Variants in USH2A observed in about 807,000 individuals in gnomAD.
USH2A encodes the protein Usher syndrome 2A (autosomal recessive, mild).
In USH2A, 443 loss-of-function variants were observed where a neutral mutation model predicts 538.9. The observed-to-expected ratio is 0.82, with a 90% CI of 0.76 to 0.89. The LOEUF is 0.89. Among genes scored for constraint, USH2A ranks in the 40% least tolerant of loss-of-function variants. The pLI is 0.00. For synonymous variants in USH2A, 2,413 were observed against 2,273.5 expected (o/e 1.06, Z -1.75); for missense variants, 6,633 against 6,324.8 (o/e 1.05, Z -1.65).
chr1:216,311,663 A>G (rs2037422519), intron 9 of USH2A, among the ~76,000 whole-genome samples: 1 of 152,158 alleles, frequency 6.6e-6, no homozygotes, highest in South Asian at 2.1e-4. Context: ...AAGAGTTAAC[A>G]TCCAGAGCAG....
rs1367430538 is a variant in USH2A, at chr1:215,900,881, C to G, written c.7325G>C (p.Arg2442Thr). 6.8e-6 allele frequency: 11 copies of G among 1,613,488 alleles called. 1 individual carries two copies. The highest frequency in any genetic ancestry group is 9.3e-6 in the Non-Finnish European group (11 of 1,179,746). ...PGAPDGVLPP[R>T]LSSATPTSLQ... ...ACTGGTTGGAGTGGCAGATGAAAGC[C>G]TGGGAGGCAGCACGCCATCTGGAGC... The change falls in exon 39 of 72, where the codon AGG (arginine) becomes ACG (threonine). Residue 2442 changes from arginine to threonine, a missense_variant. Arg to Thr is a moderately conservative substitution (Grantham distance 71, BLOSUM62 -1). Transcript: ENST00000307340.
chr1:216,005,429 T>C (rs1277550395), intron 32 of USH2A, among the ~76,000 whole-genome samples: 1 of 152,196 alleles, frequency 6.6e-6, no homozygotes, highest in Non-Finnish European at 1.5e-5. Flanking sequence ...TGTAAACTTC[T>C]TGAGTTCAGA....
intron 32 of USH2A, among the ~76,000 whole-genome samples, chr1:216,040,048 TACAC>T (rs59691309): frequency 0.16 from 24,035 of 146,078 alleles, 2,264 homozygotes; most frequent in African/African-American, 0.28. Context: ...GTCTCTCAAT[TACAC>T]ACACACACAC....
chr1:216,258,500 T>C (rs1358134321), intron 11 of USH2A, among the ~76,000 whole-genome samples: 1 of 152,038 alleles, frequency 6.6e-6, no homozygotes, highest in African/African-American at 2.4e-5. Context: ...TGTGAAATTA[T>C]CTCTGTGTTC....
chr1:215,703,158 G>T (rs540913351), intron 61 of USH2A, among the ~76,000 whole-genome samples: 25 of 152,292 alleles, frequency 1.6e-4, no homozygotes, highest in African/African-American at 5.5e-4. Flanking sequence ...GAACATCAAA[G>T]ACTGCTGCCT....
intron 61 of USH2A, among the ~76,000 whole-genome samples, chr1:215,716,164 G>T (rs1659477715): frequency 6.6e-6 from 1 of 151,832 alleles, no homozygotes. Flanking sequence ...GTTTCTCTAG[G>T]GGCTGGTGCA....
intron 15 of USH2A, among the ~76,000 whole-genome samples, chr1:216,213,706 C>T (rs1376992759): frequency 6.6e-6 from 1 of 150,798 alleles, no homozygotes; most frequent in African/African-American, 2.4e-5. Context: ...GACACAAAAA[C>T]ATGACCCATA....
intron 3 of USH2A, among the ~76,000 whole-genome samples, chr1:216,388,161 A>G (rs1346057972): frequency 6.6e-6 from 1 of 152,194 alleles, no homozygotes; most frequent in Non-Finnish European, 1.5e-5. Context: ...TATAACCATT[A>G]TTTTCTCAAA....
intron 12 of USH2A, 91 bp downstream of exon 12, chr1:216,250,812 T>G (rs2102551433): frequency 7.2e-7 from 1 of 1,391,844 alleles, no homozygotes; most frequent in African/African-American, 1.4e-5. Context: ...AGCAAAGAAA[T>G]TTGCTTTACT....
chr1:216,032,820 C>T (rs544333915), intron 32 of USH2A, among the ~76,000 whole-genome samples: 2 of 152,170 alleles, frequency 1.3e-5, no homozygotes, highest in African/African-American at 2.4e-5. Flanking sequence ...GGGACCTTGG[C>T]CTTACCACTG....
intron 3 of USH2A, among the ~76,000 whole-genome samples, chr1:216,388,299 T>C (rs1267106994): frequency 1.3e-5 from 2 of 152,200 alleles, no homozygotes; most frequent in African/African-American, 2.4e-5. Flanking sequence ...TTAACGGCTG[T>C]CCTTCAGTGC....
chr1:216,293,880 G>A (rs2102613333), intron 9 of USH2A, among the ~76,000 whole-genome samples: 1 of 152,308 alleles, frequency 6.6e-6, no homozygotes, highest in Middle Eastern at 3.4e-3. Flanking sequence ...GGACTGCAGA[G>A]CCAGCAGCAA....
chr1:216,367,140 G>GA (rs1262924157), intron 3 of USH2A, among the ~76,000 whole-genome samples: 2 of 152,114 alleles, frequency 1.3e-5, no homozygotes, highest in African/African-American at 4.8e-5. Flanking sequence ...AGCCATGAGG[G>GA]AAACACATTT....
In USH2A at chr1:216,062,001, GT is replaced by G. The variant is rs1476751369; in HGVS notation, c.6049+8099del. Among the ~76,000 whole-genome samples the G allele has an allele frequency of 6.6e-5, 10 of 152,254 alleles. No homozygotes were observed. In the South Asian group the frequency reaches 2.1e-3, roughly 32 times the overall value. ...TGCCCAGTAAGATGATTTGAAAACAGTTTAATTTTCCCATGCAAACACCCAG... is the reference window on the plus strand; with the variant it reads ...TGCCCAGTAAGATGATTTGAAAACAGTTAATTTTCCCATGCAAACACCCAG... On this transcript the variant is annotated intron_variant, in intron 30 of 71. Transcript: ENST00000307340.
intron 38 of USH2A, among the ~76,000 whole-genome samples, chr1:215,912,517 A>ATATATATATATATATACGTGTG (rs1665833913): frequency 2.3e-5 from 3 of 128,024 alleles, no homozygotes; most frequent in Non-Finnish European, 5.0e-5. Context: ...ATATACGTGT[A>ATATATATATATATATACGTGTG]TATATATATA....
chr1:216,286,554 A>T (rs2036889110), intron 11 of USH2A, among the ~76,000 whole-genome samples: 1 of 151,942 alleles, frequency 6.6e-6, no homozygotes, highest in Non-Finnish European at 1.5e-5. Flanking sequence ...CTCTACTAAA[A>T]ATACAAAAAA....
intron 61 of USH2A, among the ~76,000 whole-genome samples, chr1:215,691,024 C>T (rs1410027278): frequency 1.3e-5 from 2 of 152,144 alleles, no homozygotes; most frequent in African/African-American, 4.8e-5. Context: ...GCTGGGACTA[C>T]AGGCAAGCAC....
intron 21 of USH2A, among the ~76,000 whole-genome samples, chr1:216,155,336 T>C (rs1186600957): frequency 1.3e-5 from 2 of 152,202 alleles, no homozygotes; most frequent in East Asian, 1.9e-4. Context: ...AATTGCTTAC[T>C]GTTCAGGAAT....
At chr1:215,846,316 G>A (rs142636813) in intron 44 of USH2A, among the ~76,000 whole-genome samples, 7 of 152,166 alleles carry the variant, frequency 4.6e-5, no homozygotes, top group South Asian at 2.1e-4. Context: ...GGGCTCAAGC[G>A]ATCCTCCTGT....
Sources: allele counts gnomAD v4.1 joint callset (sites outside exome capture counted in the v4.1 genomes callset), GRCh38; gene constraint gnomAD v4.1.1; transcripts MANE v1.5; gene names NCBI Gene and HGNC (gene_info 2026-07-23, HGNC 2026-07-21).